Variants in JARID2 observed in about 807,000 individuals in gnomAD.
JARID2 encodes protein Jumonji.
In JARID2, 21 loss-of-function variants were observed where a neutral mutation model predicts 125.6. That is an observed-to-expected ratio of 0.17 (90% CI 0.12 to 0.24). The LOEUF is 0.24. Ranked by LOEUF, JARID2 falls within the 10% of genes least tolerant of loss-of-function variation. The pLI is 1.00. For missense variants in JARID2, 1,303 were observed against 1,639.6 expected (o/e 0.79, Z 3.55); for synonymous variants, 736 against 661.6 (o/e 1.11, Z -1.73).
At chr6:15,474,391 T>C (rs1769239746) in intron 5 of JARID2, among the ~76,000 whole-genome samples, 1 of 152,084 alleles carries the variant, frequency 6.6e-6, no homozygotes, top group Non-Finnish European at 1.5e-5. Flanking sequence ...TTGTTGTCAT[T>C]TTTGTCTGTT....
chr6:15,306,955 A>G (rs1442504206), intron 1 of JARID2, among the ~76,000 whole-genome samples: 1 of 149,582 alleles, frequency 6.7e-6, no homozygotes, highest in African/African-American at 2.4e-5. Context: ...ACATTAAAAA[A>G]TTTAGACTGG....
In JARID2 at chr6:15,500,892, C is replaced by G. The variant is rs1209712170; in HGVS notation, c.1946-15C>G. On this transcript the variant is annotated splice_polypyrimidine_tract_variant and intron_variant, in intron 7 of 17. Transcript: ENST00000341776. ...TTCACTAACTGTCCCGTTTTTTTCC[C>G]CTTCGCTGTCCCAGGGGGCTGTGAG... The G allele has an allele frequency of 6.4e-7, 1 of 1,567,132 alleles. No individual in the cohort carries two copies. The highest frequency in any genetic ancestry group is 8.6e-7 in the Non-Finnish European group (1 of 1,158,418).
At chr6:15,354,758 G>T (rs1348840302) in intron 1 of JARID2, among the ~76,000 whole-genome samples, 1 of 152,188 alleles carries the variant, frequency 6.6e-6, no homozygotes, top group Admixed American at 6.5e-5. Flanking sequence ...AGCTGGTAAT[G>T]TAGTTTGGAA....
intron 3 of JARID2, among the ~76,000 whole-genome samples, chr6:15,423,282 G>A (rs2127590730): frequency 6.6e-6 from 1 of 152,286 alleles, no homozygotes; most frequent in Non-Finnish European, 1.5e-5. Flanking sequence ...ACAGGTGTGA[G>A]CCACTATGCC....
chr6:15,452,808 G>A (rs762505763), intron 4 of JARID2, among the ~76,000 whole-genome samples: 1 of 152,202 alleles, frequency 6.6e-6, no homozygotes, highest in African/African-American at 2.4e-5. Context: ...TCTAATAGCT[G>A]TGAGGAAAGA....
intron 9 of JARID2, chr6:15,505,079 C>CT (rs1370258939): frequency 6.3e-6 from 1 of 158,116 alleles, no homozygotes; most frequent in Non-Finnish European, 1.4e-5. Flanking sequence ...GTGAGCACTT[C>CT]TGTGCCCAGA....
intron 3 of JARID2, among the ~76,000 whole-genome samples, chr6:15,442,289 T>C (rs1767481218): frequency 6.6e-6 from 1 of 152,152 alleles, no homozygotes; most frequent in Non-Finnish European, 1.5e-5. Flanking sequence ...AAATAGGGAA[T>C]CCCATCGAGA....
chr6:15,513,289 C>T lies in JARID2; in HGVS notation c.3317C>T (p.Ser1106Phe), dbSNP rs2127766690. 1.9e-6 allele frequency: 3 copies of T among 1,596,030 alleles called. No individual in the cohort carries two copies. In the African/African-American group the frequency reaches 4.0e-5, roughly 21 times the overall value. ...CAGCTGTTCGAGGCTGGCCTCCACT[C>T]CTCCGCACGCTATGGCAGCCACGAT... ...RRQLFEAGLH[S>F]SARYGSHDGS... Residue 1106 changes from serine to phenylalanine, a missense_variant, in exon 16 of 18, where the codon TCC becomes TTC. Transcript: ENST00000341776.
At chr6:15,316,936 T>C (rs1327364465) in intron 1 of JARID2, among the ~76,000 whole-genome samples, 2 of 152,260 alleles carry the variant, frequency 1.3e-5, no homozygotes, top group African/African-American at 4.8e-5. Context: ...CAGCCTGTGC[T>C]TCAAGTTGCT....
intron 2 of JARID2, chr6:15,400,927 C>T (rs1242655979): frequency 1.7e-5 from 22 of 1,289,242 alleles, no homozygotes; most frequent in Non-Finnish European, 2.1e-5. Context: ...CTCTCTGTCT[C>T]TCTGCAATGA....
rs560206299 is a variant in JARID2 at position 15,291,978 on chromosome 6, A to G, written c.45+45394A>G. On this transcript the variant is annotated intron_variant, in intron 1 of 17. Transcript: ENST00000341776. ...TCTCATTGCCATCTTTTCTGAAACA[A>G]ATGCCCTTCGATTTAGGTTTCATAA... 2.5e-3 allele frequency among the ~76,000 whole-genome samples: 386 copies of G among 152,240 alleles called. 2 individuals are homozygous for G. Among genetic ancestry groups the G allele is most frequent in the Middle Eastern group, 0.01 (3 of 294 alleles).
At chr6:15,416,441 C>A (rs1276605625) in intron 3 of JARID2, among the ~76,000 whole-genome samples, 7 of 152,182 alleles carry the variant, frequency 4.6e-5, no homozygotes, top group Admixed American at 2.0e-4. Context: ...ATCCCGGCAC[C>A]TCGGGAGGCC....
chr6:15,474,276 A>G (rs1234204837), intron 5 of JARID2, among the ~76,000 whole-genome samples: 3 of 152,242 alleles, frequency 2.0e-5, no homozygotes, highest in Non-Finnish European at 4.4e-5. Flanking sequence ...TCAAAATTAA[A>G]TATTCTCAGC....
At chr6:15,311,937 T>C (rs576035533) in intron 1 of JARID2, among the ~76,000 whole-genome samples, 1 of 152,206 alleles carries the variant, frequency 6.6e-6, no homozygotes, top group Non-Finnish European at 1.5e-5. Flanking sequence ...GCATTAACTT[T>C]TATTTAATTT....
At chr6:15,443,406 C>CT (rs1233937867) in intron 3 of JARID2, among the ~76,000 whole-genome samples, 1 of 152,116 alleles carries the variant, frequency 6.6e-6, no homozygotes, top group Non-Finnish European at 1.5e-5. Flanking sequence ...ACTATTTAAT[C>CT]TTTAAGGGAG....
intron 1 of JARID2, among the ~76,000 whole-genome samples, chr6:15,332,637 G>A (rs1198485339): frequency 1.3e-5 from 2 of 152,160 alleles, no homozygotes; most frequent in African/African-American, 2.4e-5. Flanking sequence ...CGCTACTTGT[G>A]TAAGTCCAGC....
chr6:15,388,601 AAT>A (rs2127538194), intron 2 of JARID2, among the ~76,000 whole-genome samples: 2 of 143,398 alleles, frequency 1.4e-5, no homozygotes, highest in Non-Finnish European at 3.0e-5. Flanking sequence ...ATATATATAT[AAT>A]TTTTCTACAA....
At position 15,296,278 on chromosome 6, in the gene JARID2, G is replaced by C. The variant is rs575503870; in HGVS notation, c.45+49694G>C. On this transcript the variant is annotated intron_variant, in intron 1 of 17. Transcript: ENST00000341776. ...GGCATTTGTAGCGTGCATTCTAATA[G>C]AATCATTTTGGGAGTATTTGAACGT... Among the ~76,000 whole-genome samples, 17 of 152,250 alleles carry C rather than the reference G, an allele frequency of 1.1e-4. No homozygotes were observed. The South Asian group carries it at 3.5e-3, about 32-fold the overall frequency.
At chr6:15,324,666 T>TG (rs1294849939) in intron 1 of JARID2, among the ~76,000 whole-genome samples, 3 of 150,744 alleles carry the variant, frequency 2.0e-5, no homozygotes, top group African/African-American at 7.3e-5. Context: ...TTTTTTTTTT[T>TG]GGTAGTTTTG....
Sources: allele counts gnomAD v4.1 joint callset (sites outside exome capture counted in the v4.1 genomes callset), GRCh38; gene constraint gnomAD v4.1.1; transcripts MANE v1.5; gene names NCBI Gene and HGNC (gene_info 2026-07-23, HGNC 2026-07-21).